The following KIAA1217 variants were observed in gnomAD, a reference collection of about 807,000 sequenced individuals.
KIAA1217 encodes sickle tail protein homolog.
Under a neutral mutation model 163.9 loss-of-function variants are expected in KIAA1217, and 88 were observed. The observed-to-expected ratio is 0.54, with a 90% CI of 0.45 to 0.64. The LOEUF is 0.64. KIAA1217 is among the 30% of genes least tolerant of loss of function. The probability of loss-of-function intolerance (pLI) is 0.00; values close to 1 mark genes in which losing one functional copy is unlikely to be tolerated. For missense variants in KIAA1217, 2,372 were observed against 2,475.0 expected, an observed-to-expected ratio of 0.96 and a Z score of 0.88; for synonymous variants, 903 against 923.1, an observed-to-expected ratio of 0.98 and a Z score of 0.39.
intron 2 of KIAA1217, among the ~76,000 whole-genome samples, chr10:24,137,435 T>C (rs953294422): frequency 1.3e-5 from 2 of 152,224 alleles, no homozygotes; most frequent in East Asian, 1.9e-4. Flanking sequence ...ATTGACACTT[T>C]GCAGGCATTT....
chr10:24,099,899 C>A (rs1343639234), intron 2 of KIAA1217, among the ~76,000 whole-genome samples: 2 of 151,946 alleles, frequency 1.3e-5, no homozygotes. Flanking sequence ...TTTGCCACTG[C>A]AGAGATGATT....
intron 1 of KIAA1217, among the ~76,000 whole-genome samples, chr10:23,858,467 G>T (rs959959522): frequency 1.3e-5 from 2 of 151,720 alleles, no homozygotes; most frequent in African/African-American, 4.9e-5. Flanking sequence ...ACATATGTGT[G>T]TGTGTATATA....
chr10:24,246,357 C>A (rs1180681540), intron 2 of KIAA1217, among the ~76,000 whole-genome samples: 1 of 152,164 alleles, frequency 6.6e-6, no homozygotes, highest in Non-Finnish European at 1.5e-5. Context: ...ACTGCAGTGA[C>A]CATCCTTGTA....
intron 2 of KIAA1217, among the ~76,000 whole-genome samples, chr10:24,065,392 C>T (rs1000811933): frequency 2.0e-4 from 31 of 152,070 alleles, no homozygotes; most frequent in African/African-American, 5.6e-4. Context: ...GCCTTCATTT[C>T]GTTATTTACC....
intron 2 of KIAA1217, among the ~76,000 whole-genome samples, chr10:24,045,323 AG>A (rs1848924571): frequency 6.6e-6 from 1 of 152,026 alleles, no homozygotes; most frequent in Admixed American, 6.5e-5. Flanking sequence ...AGTATTTAAA[AG>A]TATAGGTGTT....
chr10:23,832,430 A>AT (rs1245362249), intron 1 of KIAA1217, among the ~76,000 whole-genome samples: 2 of 152,072 alleles, frequency 1.3e-5, no homozygotes, highest in Admixed American at 1.3e-4. Flanking sequence ...TCCTTTCTGG[A>AT]TTTTATGGAG....
chr10:24,389,045 C>T (rs2054452752), intron 3 of KIAA1217, among the ~76,000 whole-genome samples: 1 of 152,018 alleles, frequency 6.6e-6, no homozygotes, highest in South Asian at 2.1e-4. Flanking sequence ...CCCAACCATC[C>T]CATTACTGGG....
chr10:24,033,834 G>C (rs1263423014), intron 2 of KIAA1217, among the ~76,000 whole-genome samples: 1 of 152,152 alleles, frequency 6.6e-6, no homozygotes, highest in Non-Finnish European at 1.5e-5. Context: ...CCATTCACTG[G>C]CATTTTGTCT....
intron 5 of KIAA1217, chr10:24,449,387 A>T: frequency 1.2e-6 from 1 of 818,574 alleles, no homozygotes; most frequent in Non-Finnish European, 1.5e-6. Context: ...GTATTTATAA[A>T]CATCACGTGT....
At chr10:24,001,401 T>A (rs2131465277) in intron 1 of KIAA1217, among the ~76,000 whole-genome samples, 1 of 152,156 alleles carries the variant, frequency 6.6e-6, no homozygotes, top group Non-Finnish European at 1.5e-5. Flanking sequence ...CTCCAAAGAG[T>A]TCAGATTCTA....
At chr10:24,402,369 C>A (rs545087983) in intron 3 of KIAA1217, among the ~76,000 whole-genome samples, 3 of 151,682 alleles carry the variant, frequency 2.0e-5, no homozygotes, top group Non-Finnish European at 4.4e-5. Flanking sequence ...ATTAGCCGGG[C>A]GTATTGGTGG....
intron 2 of KIAA1217, among the ~76,000 whole-genome samples, chr10:24,257,405 A>G (rs757764872): frequency 4.6e-5 from 7 of 152,142 alleles, no homozygotes; most frequent in Non-Finnish European, 8.8e-5. Context: ...TTCACCAGAC[A>G]TCTGTGGGGA....
chr10:23,894,999 A>T (rs1011863857), intron 1 of KIAA1217, among the ~76,000 whole-genome samples: 2 of 152,220 alleles, frequency 1.3e-5, no homozygotes, highest in African/African-American at 4.8e-5. Flanking sequence ...TTCAAGATTG[A>T]TTAAAGACTT....
intron 1 of KIAA1217, among the ~76,000 whole-genome samples, chr10:23,850,390 C>A (rs1056479815): frequency 2.6e-5 from 4 of 152,104 alleles, no homozygotes; most frequent in African/African-American, 7.2e-5. Flanking sequence ...CCTCCCAACA[C>A]TATTTTAATG....
At chr10:24,421,600 C>T (rs2131552985) in intron 3 of KIAA1217, among the ~76,000 whole-genome samples, 1 of 152,302 alleles carries the variant, frequency 6.6e-6, no homozygotes, top group African/African-American at 2.4e-5. Context: ...CATTTCATCA[C>T]TGAGCCTGAT....
chr10:24,529,508 T>A (rs1025843185), intron 14 of KIAA1217, among the ~76,000 whole-genome samples: 1 of 151,672 alleles, frequency 6.6e-6, no homozygotes, highest in African/African-American at 2.4e-5. Flanking sequence ...ATATATATAT[T>A]TTTCCATCTG....
chr10:24,432,293 T>G (rs1256493600), intron 3 of KIAA1217, among the ~76,000 whole-genome samples: 1 of 151,422 alleles, frequency 6.6e-6, no homozygotes, highest in Non-Finnish European at 1.5e-5. Context: ...AATTTTTGTA[T>G]TTTTAGTAGA....
chr10:24,454,471 G>A lies in KIAA1217; in HGVS notation c.846+15992G>A, dbSNP rs57750799. Among the ~76,000 whole-genome samples the A allele has an allele frequency of 8.1e-3, 1,235 of 152,252 alleles. 18 individuals are homozygous for A. Among genetic ancestry groups the A allele is most frequent in the East Asian group, 0.026 (137 of 5,180 alleles). ...CTTTTCACGCACCCTTGATAGAGTA[G>A]GAAGAGTTACCAAAGAAAAACACAA... On this transcript the variant is annotated intron_variant, in intron 5 of 20. Coordinates refer to ENST00000376454, the MANE Select transcript of KIAA1217 (RefSeq NM_019590.5).
chr10:24,528,532 T>G (rs115348051), intron 14 of KIAA1217, among the ~76,000 whole-genome samples: 1,968 of 152,140 alleles, frequency 0.013, 43 homozygotes, highest in African/African-American at 0.045. Flanking sequence ...TCTTCCTCTG[T>G]TGCCTTGGCT....
Sources: allele counts gnomAD v4.1 joint callset (sites outside exome capture counted in the v4.1 genomes callset), GRCh38; gene constraint gnomAD v4.1.1; transcripts MANE v1.5; gene names NCBI Gene and HGNC (gene_info 2026-07-23, HGNC 2026-07-21).